The following ABR variants were observed in gnomAD, a reference collection of about 807,000 sequenced individuals.
The protein encoded by ABR is ABR activator of RhoGEF and GTPase, also known as active breakpoint cluster region-related protein.
ABR carries 35 observed loss-of-function variants against 107.2 expected under a neutral mutation model. The observed-to-expected ratio is 0.33, with a 90% CI of 0.25 to 0.43. The LOEUF is 0.43. Ranked by LOEUF, ABR falls within the 20% of genes least tolerant of loss-of-function variation. The pLI is 1.00. For synonymous variants in ABR, 498 were observed against 462.0 expected (o/e 1.08, Z -1.00); for missense variants, 815 against 1,115.2 (o/e 0.73, Z 3.83).
At chr17:1,222,018 A>C (rs12945119) in intron 1 of ABR, among the ~76,000 whole-genome samples, 74,857 of 150,752 alleles carry the variant, frequency 0.5, 19,260 homozygotes, top group Middle Eastern at 0.56. Flanking sequence ...TATAACAGCA[A>C]CAATAAAGAC....
At chr17:1,059,410 T>A (rs936072429) in intron 10 of ABR, among the ~76,000 whole-genome samples, 3 of 152,184 alleles carry the variant, frequency 2.0e-5, no homozygotes, top group Non-Finnish European at 2.9e-5. Context: ...CCCTAAATAA[T>A]ACAAATATTA....
chr17:1,079,975 C>A (rs2036098789), intron 5 of ABR, among the ~76,000 whole-genome samples: 1 of 151,912 alleles, frequency 6.6e-6, no homozygotes, highest in African/African-American at 2.4e-5. Flanking sequence ...ATGAGAGAGG[C>A]TGGCAGGGAG....
chr17:1,214,400 A>T (rs2042960048), intron 1 of ABR, among the ~76,000 whole-genome samples: 1 of 152,228 alleles, frequency 6.6e-6, no homozygotes, highest in African/African-American at 2.4e-5. Flanking sequence ...TAGGCAAAAT[A>T]TTTAAATTAT....
intron 9 of ABR, among the ~76,000 whole-genome samples, chr17:1,067,586 C>T (rs1451704930): frequency 2.6e-5 from 4 of 152,188 alleles, no homozygotes; most frequent in African/African-American, 9.7e-5. Flanking sequence ...CACCACAATC[C>T]CCTCCCTCCC....
chr17:1,048,104 AT>A (rs1389109141), intron 16 of ABR, among the ~76,000 whole-genome samples: 1 of 152,026 alleles, frequency 6.6e-6, no homozygotes, highest in African/African-American at 2.4e-5. Flanking sequence ...GGACAGGGAG[AT>A]GGGGCTCCCT....
upstream of ABR, chr17:1,180,019 GT>G (rs1208185411): frequency 4.3e-6 from 1 of 230,326 alleles, no homozygotes; most frequent in East Asian, 7.6e-5. Context: ...GGGCTTCGTG[GT>G]GGGGCGGGGC....
At chr17:1,006,300 G>T in intron 22 of ABR, 131 bp from the exon 23 acceptor site, 1 of 829,064 alleles carries the variant, frequency 1.2e-6, no homozygotes, top group Non-Finnish European at 1.9e-6. Context: ...GAGCCCAGGT[G>T]TGTTTGCCTT....
intron 9 of ABR, among the ~76,000 whole-genome samples, chr17:1,069,412 C>T (rs1434039855): frequency 6.6e-6 from 1 of 152,070 alleles, no homozygotes; most frequent in African/African-American, 2.4e-5. Flanking sequence ...GCCTGTAATC[C>T]CAGCACTTTG....
intron 1 of ABR, among the ~76,000 whole-genome samples, chr17:1,208,159 AGT>A (rs1209425153): frequency 6.6e-6 from 1 of 152,046 alleles, no homozygotes; most frequent in Non-Finnish European, 1.5e-5. Context: ...TTGAGTTATG[AGT>A]GTTTATAAAA....
chr17:1,012,081 A>G (rs1567564725), intron 18 of ABR, 96 bp from the exon 19 acceptor site: 1 of 1,583,700 alleles, frequency 6.3e-7, no homozygotes, highest in East Asian at 2.2e-5. Flanking sequence ...GAGAGCTTCT[A>G]GCATTTGGGA....
chr17:1,169,152 A>G (rs1192522485), intron 1 of ABR, among the ~76,000 whole-genome samples: 1 of 152,218 alleles, frequency 6.6e-6, no homozygotes, highest in East Asian at 1.9e-4. Context: ...AGAGGCACTC[A>G]CAAAGCCAGA....
chr17:1,031,312 T>C (rs917273051), intron 16 of ABR, among the ~76,000 whole-genome samples: 1 of 152,052 alleles, frequency 6.6e-6, no homozygotes, highest in African/African-American at 2.4e-5. Flanking sequence ...CGTGCGCTGT[T>C]TGCACTCCCG....
Position 1,050,574 on chromosome 17 carries a change from CT to C in ABR, c.1621del (p.Arg541GlyfsTer25), listed in dbSNP as rs2032363237. On this transcript the variant is annotated frameshift_variant, in exon 15 of 23. Coordinates refer to ENST00000302538, the MANE Select transcript of ABR (RefSeq NM_021962.5). LOFTEE classifies it high-confidence loss of function. The surrounding 1 kb of genome is among the most constrained non-coding windows in gnomAD (Gnocchi z 4.6). ...FGYFVSKAKT[R>X]VFRDTAEPKW... ...GGGCTCCGCTGTGTCCCGGAACACC[CT>C]GGTTTTGGCTTTGCTGACAAAATAG... is the stretch of plus-strand genomic sequence containing the variant. The C allele has an allele frequency of 6.2e-7, 1 of 1,614,050 alleles. No homozygotes were observed. Among genetic ancestry groups the C allele is most frequent in the Admixed American group, 1.7e-5 (1 of 60,014 alleles).
rs56033950 is a variant in ABR, at chr17:1,022,120, A to AAAAAAAAACAAAAAC, written c.1792-8957_1792-8956insGTTTTTGTTTTTTTT. 7.7e-3 allele frequency among the ~76,000 whole-genome samples: 908 copies of AAAAAAAAACAAAAAC among 118,376 alleles called. 31 individuals carry two copies. Among genetic ancestry groups the AAAAAAAAACAAAAAC allele is most frequent in the African/African-American group, 0.031 (843 of 27,358 alleles). The allele number at this position is 118,376 out of a possible 152,430, so 77.7% of individuals were successfully genotyped here. ...AGACTCTGTCTCAAAAAAAAAAAAA[A>AAAAAAAAACAAAAAC]AAAAACAGAAAATGACTCCAGAAGG... On this transcript the variant is annotated intron_variant, in intron 16 of 22. Coordinates refer to ENST00000302538, the MANE Select transcript of ABR (RefSeq NM_021962.5).
At chr17:1,190,250 T>C (rs1449673054), upstream of ABR, among the ~76,000 whole-genome samples, 5 of 152,310 alleles carry the variant, frequency 3.3e-5, no homozygotes, top group South Asian at 6.2e-4. Context: ...GGAAACGGCA[T>C]AGAAACCCAG....
intron 3 of ABR, 74 bp from the exon 4 acceptor site, chr17:1,091,924 A>T: frequency 2.1e-6 from 3 of 1,457,538 alleles, no homozygotes; most frequent in Non-Finnish European, 2.8e-6. Context: ...CCCGGGGCCG[A>T]TCGTTAGCCC....
rs147842504 is a variant in ABR at position 1,212,479 on chromosome 17, G to T, written c.838+16314C>A. Reference sequence around the variant, plus strand: ...AAAACAAAACAAAAAGAGACGCCAGGCACAGTGGTTCACACCTGTAATCCC... The same window carrying T: ...AAAACAAAACAAAAAGAGACGCCAGTCACAGTGGTTCACACCTGTAATCCC... On this transcript the variant is annotated intron_variant, in intron 1 of 22. Coordinates refer to the ABR transcript ENST00000574139. Among the ~76,000 whole-genome samples, 18 of 152,162 alleles carry T rather than the reference G, an allele frequency of 1.2e-4. No individual in the cohort carries two copies. In the East Asian group the frequency reaches 3.5e-3, roughly 29 times the overall value.
intron 1 of ABR, among the ~76,000 whole-genome samples, chr17:1,223,763 C>T (rs1008519710): frequency 2.0e-5 from 3 of 152,148 alleles, no homozygotes; most frequent in South Asian, 2.1e-4. Flanking sequence ...CTTCACAAGG[C>T]GGCAGGAGAG....
At chr17:1,111,896 G>A (rs983677006) in intron 2 of ABR, among the ~76,000 whole-genome samples, 11 of 152,188 alleles carry the variant, frequency 7.2e-5, no homozygotes, top group African/African-American at 2.4e-4. Context: ...GCCCAGCCAC[G>A]GCCCTTCCAC....
Sources: gnomAD v4.1 joint callset for allele counts (sites outside exome capture counted in the v4.1 genomes callset) on GRCh38, gnomAD v4.1.1 for gene constraint, Gnocchi (gnomAD v3.1) non-coding constraint, MANE v1.5 for transcripts, NCBI Gene and HGNC (gene_info 2026-07-23, HGNC 2026-07-21) for gene names.